Variants in RPTOR observed in about 807,000 individuals in gnomAD.
RPTOR encodes the protein regulatory associated protein of MTOR complex 1, also known as regulatory-associated protein of mTOR.
In RPTOR, 21 loss-of-function variants were observed where a neutral mutation model predicts 169.9. The ratio of observed to expected loss-of-function variants is 0.12; its 90% confidence interval spans 0.09 to 0.18. RPTOR has a LOEUF of 0.18. Among genes scored for constraint, RPTOR ranks in the 10% least tolerant of loss-of-function variants. The probability of loss-of-function intolerance (pLI) is 1.00; values close to 1 mark genes in which losing one functional copy is unlikely to be tolerated. For synonymous variants in RPTOR, 732 were observed against 753.2 expected, an observed-to-expected ratio of 0.97 and a Z score of 0.46; for missense variants, 1,133 against 1,855.9, an observed-to-expected ratio of 0.61 and a Z score of 7.16.
chr17:80,620,773 A>T (rs112155856), intron 1 of RPTOR, among the ~76,000 whole-genome samples: 13,814 of 152,308 alleles, frequency 0.091, 704 homozygotes, highest in Middle Eastern at 0.13. Context: ...TTCAAAAAAC[A>T]AAACAAAAAA....
intron 9 of RPTOR, among the ~76,000 whole-genome samples, chr17:80,827,819 T>C (rs933560276): frequency 6.6e-6 from 1 of 152,138 alleles, no homozygotes; most frequent in Non-Finnish European, 1.5e-5. Flanking sequence ...GCCTGCTGCG[T>C]GTTGGGCTTT....
At chr17:80,716,795 A>G (rs1379345130) in intron 4 of RPTOR, among the ~76,000 whole-genome samples, 4 of 152,198 alleles carry the variant, frequency 2.6e-5, no homozygotes, top group Non-Finnish European at 5.9e-5. Context: ...GTGACTTGCC[A>G]GTTATCCCAG....
Position 80,726,855 on chromosome 17 carries a change from G to C in RPTOR, c.508-3705G>C, listed in dbSNP as rs932067292. Reference sequence around the variant, plus strand: ...AAAATCCTTTCTCCTGTCAGCGTGGGGGGTGATCCTGCCCAATTAAAGGAC... The same window carrying C: ...AAAATCCTTTCTCCTGTCAGCGTGGCGGGTGATCCTGCCCAATTAAAGGAC... On this transcript the variant is annotated intron_variant, in intron 4 of 33. Transcript: ENST00000306801. The surrounding 1 kb of genome is among the most constrained non-coding windows in gnomAD (Gnocchi z 4.5). 5.3e-5 allele frequency among the ~76,000 whole-genome samples: 8 copies of C among 152,172 alleles called. No individual in the cohort carries two copies. Among genetic ancestry groups the C allele is most frequent in the Non-Finnish European group, 8.8e-5 (6 of 68,026 alleles).
At chr17:80,565,325 G>C (rs2084567592) in intron 1 of RPTOR, among the ~76,000 whole-genome samples, 1 of 152,190 alleles carries the variant, frequency 6.6e-6, no homozygotes, top group South Asian at 2.1e-4. Context: ...AGGTTTGGTG[G>C]AATAAGGAGC....
chr17:80,555,766 G>A (rs1292252869), intron 1 of RPTOR, among the ~76,000 whole-genome samples: 1 of 152,216 alleles, frequency 6.6e-6, no homozygotes, highest in African/African-American at 2.4e-5. Flanking sequence ...AGCAGCCAGT[G>A]ACTTCATGTA....
intron 1 of RPTOR, among the ~76,000 whole-genome samples, chr17:80,578,645 G>A (rs2064987597): frequency 6.6e-6 from 1 of 152,192 alleles, no homozygotes; most frequent in Non-Finnish European, 1.5e-5. Context: ...GGCTGAAAGG[G>A]CCAAAAGGAA....
At chr17:80,922,608 G>T in intron 21 of RPTOR, 116 bp from the exon 22 acceptor site, 4 of 831,248 alleles carry the variant, frequency 4.8e-6, no homozygotes, top group East Asian at 2.7e-5. Context: ...GTGCTTCCTC[G>T]GCCAAAGGCC....
intron 20 of RPTOR, 48 bp downstream of exon 20, chr17:80,893,913 C>T: frequency 6.7e-7 from 1 of 1,499,674 alleles, no homozygotes; most frequent in Non-Finnish European, 8.9e-7. Context: ...CGAGGGTCTC[C>T]TCCCCACACA....
chr17:80,670,873 G>C (rs912202642), intron 3 of RPTOR, among the ~76,000 whole-genome samples: 3 of 151,992 alleles, frequency 2.0e-5, no homozygotes, highest in African/African-American at 7.3e-5. Flanking sequence ...TCCTCGGTCA[G>C]GGGAATGGAT....
At chr17:80,922,242 G>T (rs1438383043) in intron 21 of RPTOR, among the ~76,000 whole-genome samples, 2 of 152,238 alleles carry the variant, frequency 1.3e-5, no homozygotes, top group African/African-American at 4.8e-5. Context: ...ATGGCTGGTG[G>T]ATTCTTCCCG....
At chr17:80,774,246 T>A (rs1470069637) in intron 6 of RPTOR, 1 of 985,298 alleles carries the variant, frequency 1.0e-6, no homozygotes, top group African/African-American at 1.7e-5. Context: ...CGTGTGATGA[T>A]GATGCTCACG....
intron 1 of RPTOR, among the ~76,000 whole-genome samples, chr17:80,574,958 C>T (rs921692804): frequency 6.6e-6 from 1 of 151,136 alleles, no homozygotes; most frequent in African/African-American, 2.4e-5. Context: ...AGCCACCATG[C>T]CTGGCCCCCT....
intron 20 of RPTOR, among the ~76,000 whole-genome samples, chr17:80,908,037 G>A (rs979682793): frequency 2.6e-5 from 4 of 152,178 alleles, no homozygotes; most frequent in African/African-American, 9.7e-5. Flanking sequence ...CCTTGGCGAC[G>A]CTGGGGGTAA....
At chr17:80,665,300 T>G (rs2065755118) in intron 3 of RPTOR, among the ~76,000 whole-genome samples, 1 of 151,640 alleles carries the variant, frequency 6.6e-6, no homozygotes, top group African/African-American at 2.4e-5. Context: ...CTGCTTGTTT[T>G]CTTCTTGAGA....
intron 3 of RPTOR, among the ~76,000 whole-genome samples, chr17:80,663,984 G>A (rs57527105): frequency 0.013 from 2,024 of 152,250 alleles, 61 homozygotes; most frequent in African/African-American, 0.046. Flanking sequence ...TGACAGCCGC[G>A]TGGGCATTTG....
At chr17:80,892,131 C>T (rs1476400036) in intron 18 of RPTOR, among the ~76,000 whole-genome samples, 4 of 152,132 alleles carry the variant, frequency 2.6e-5, no homozygotes, top group African/African-American at 7.2e-5. Flanking sequence ...TGCGGAAAAG[C>T]GCAGGGGCCG....
rs112224853 is a variant in RPTOR, at chr17:80,959,781, T to C, written c.3478-297T>C. Among the ~76,000 whole-genome samples the C allele has an allele frequency of 0.022, 3,305 of 152,162 alleles. 127 individuals are homozygous for C. The highest frequency in any genetic ancestry group is 0.076 in the African/African-American group (3,157 of 41,496). ...GGCGTTTGCAGGCCTCCGCTCGGGGTGGGGCTGGCCTCTGCCTCACTGGCT... is the reference window on the plus strand; with the variant it reads ...GGCGTTTGCAGGCCTCCGCTCGGGGCGGGGCTGGCCTCTGCCTCACTGGCT... On this transcript the variant is annotated intron_variant, in intron 29 of 33. Transcript: ENST00000306801. This position sits in a 1 kb window ranked among gnomAD's most constrained non-coding sequence, Gnocchi z 6.7.
intron 25 of RPTOR, chr17:80,941,473 C>T (rs1006868446): frequency 5.2e-5 from 8 of 152,400 alleles, no homozygotes; most frequent in Admixed American, 3.9e-4. Flanking sequence ...GGGCCCAGGC[C>T]CAGCCCTACA....
Position 80,957,890 on chromosome 17 carries a change from C to G in RPTOR, c.3477+160C>G, listed in dbSNP as rs1230916862. Among the ~76,000 whole-genome samples, 1 of 152,136 alleles carries G rather than the reference C, an allele frequency of 6.6e-6. No individual in the cohort carries two copies. Among genetic ancestry groups the G allele is most frequent in the African/African-American group, 2.4e-5 (1 of 41,430 alleles). ...GTGCCGGGACAATGCTGGGAGGAGACGTGGGCTCCCTGAGGCCTCTGGATG... is the reference window on the plus strand; with the variant it reads ...GTGCCGGGACAATGCTGGGAGGAGAGGTGGGCTCCCTGAGGCCTCTGGATG... On this transcript the variant is annotated intron_variant, in intron 29 of 33. Coordinates refer to ENST00000306801, the MANE Select transcript of RPTOR (RefSeq NM_020761.3). This position sits in a 1 kb window ranked among gnomAD's most constrained non-coding sequence, Gnocchi z 4.6.
Sources: gnomAD v4.1 joint callset for allele counts (sites outside exome capture counted in the v4.1 genomes callset) on GRCh38, gnomAD v4.1.1 for gene constraint, Gnocchi (gnomAD v3.1) non-coding constraint, MANE v1.5 for transcripts, NCBI Gene and HGNC (gene_info 2026-07-23, HGNC 2026-07-21) for gene names.